The following ZNF433 variants were observed in gnomAD, a reference collection of about 807,000 sequenced individuals.
ZNF433 encodes zinc finger protein 433.
A neutral mutation model predicts 10.6 loss-of-function variants in ZNF433; 12 were observed. That is an observed-to-expected ratio of 1.13 (90% CI 0.72 to 1.83). ZNF433 has a LOEUF of 1.83. Among genes scored for constraint, ZNF433 ranks in the 40% most tolerant of loss-of-function variants. The pLI, the probability that ZNF433 is intolerant of heterozygous loss-of-function variation, is 0.00. For missense variants in ZNF433, 737 were observed against 798.0 expected, an observed-to-expected ratio of 0.92 and a Z score of 0.92; for synonymous variants, 272 against 271.3, an observed-to-expected ratio of 1.00 and a Z score of -0.02.
intron 3 of ZNF433, among the ~76,000 whole-genome samples, chr19:12,017,487 G>GCCA (rs1427628695): frequency 6.6e-6 from 1 of 152,184 alleles, no homozygotes; most frequent in Non-Finnish European, 1.5e-5. Flanking sequence ...ACAGGCGTGA[G>GCCA]CCACCACGCC....
chr19:12,035,431 C>T (rs1043639790), intron 1 of ZNF433, 106 bp downstream of exon 1: 1 of 1,490,588 alleles, frequency 6.7e-7, no homozygotes, highest in African/African-American at 1.4e-5. Flanking sequence ...AATCGGGTCC[C>T]AGACCCCGGA....
At chr19:12,027,422 G>T (rs746655478) in intron 1 of ZNF433, among the ~76,000 whole-genome samples, 8 of 152,224 alleles carry the variant, frequency 5.3e-5, no homozygotes, top group Non-Finnish European at 1.0e-4. Context: ...TGATGGCTAT[G>T]ATGCCCACAC....
chr19:12,017,308 T>C (rs2145410885), intron 3 of ZNF433, among the ~76,000 whole-genome samples: 1 of 152,174 alleles, frequency 6.6e-6, no homozygotes, highest in Non-Finnish European at 1.5e-5. Flanking sequence ...GTTCAAGCGA[T>C]TCTCCTGCCT....
chr19:12,028,974 C>T lies in ZNF433; in HGVS notation c.3+6563G>A, dbSNP rs564334641. On this transcript the variant is annotated intron_variant, in intron 1 of 3. Transcript: ENST00000550507. ...CAAAAGCAATTAATTTTCTTGAAGT[C>T]CCAAAAAGTCTCAGAAAGGATATAA... Among the ~76,000 whole-genome samples, 27 of 152,130 alleles carry T rather than the reference C, an allele frequency of 1.8e-4. No homozygotes were observed. The East Asian group carries it at 5.0e-3, about 28-fold the overall frequency.
At chr19:12,016,770 G>T in intron 3 of ZNF433, 104 bp from the exon 4 acceptor site, 10 of 1,399,108 alleles carry the variant, frequency 7.1e-6, no homozygotes, top group Non-Finnish European at 9.5e-6. Flanking sequence ...TTGAGATGGA[G>T]TCTCACTCTC....
At position 12,035,650 on chromosome 19, in the gene ZNF433, T is replaced by G; in HGVS notation, c.-111A>C. The G allele has an allele frequency of 7.0e-7, 1 of 1,435,628 alleles. No individual in the cohort carries two copies. The highest frequency in any genetic ancestry group is 1.3e-5 in the South Asian group (1 of 78,208). The allele number at this position is 1,435,628 out of a possible 1,614,324, so 88.9% of individuals were successfully genotyped here. On this transcript the variant is annotated 5_prime_UTR_variant, in exon 1 of 4. Coordinates refer to ENST00000550507, the MANE Select transcript of ZNF433 (RefSeq NM_001308348.2). ...GGAGGGGAAAGCCAGGCTCCCAACC[T>G]CAGCTCGCCGCCTGGAGCCGGGAAC...
chr19:12,020,642 C>A (rs547998467), intron 1 of ZNF433, among the ~76,000 whole-genome samples: 1 of 151,938 alleles, frequency 6.6e-6, no homozygotes, highest in Non-Finnish European at 1.5e-5. Context: ...GCTGGCTGAG[C>A]GCGGTGGCTC....
At chr19:12,020,022 A>C (rs1455288944) in intron 1 of ZNF433, among the ~76,000 whole-genome samples, 1 of 152,220 alleles carries the variant, frequency 6.6e-6, no homozygotes, top group Non-Finnish European at 1.5e-5. Context: ...CTGTAATCTT[A>C]GCACTTTGGG....
Position 12,015,547 on chromosome 19 carries a change from A to G in ZNF433, c.1311T>C (p.His437=). 1 of 1,613,740 alleles carries G rather than the reference A, an allele frequency of 6.2e-7. No homozygotes were observed. Among genetic ancestry groups the G allele is most frequent in the Non-Finnish European group, 8.5e-7 (1 of 1,179,964 alleles). Reference sequence around the variant, plus strand: ...GTTTCTCTCCCGTGTGAGTCCTACCATGTGTTTGAAGGAGTGAGGCAGATC... The same window carrying G: ...GTTTCTCTCCCGTGTGAGTCCTACCGTGTGTTTGAAGGAGTGAGGCAGATC... ...AFRSASLLQT[H]GRTHTGEKPY... Residue 437 remains histidine, a synonymous_variant, in exon 4 of 4, where the codon CAT becomes CAC. Coordinates refer to ENST00000550507, the MANE Select transcript of ZNF433 (RefSeq NM_001308348.2).
In ZNF433 at chr19:12,020,631, AG is replaced by A. The variant is rs1169751318; in HGVS notation, c.4-2340del. 5.9e-5 allele frequency among the ~76,000 whole-genome samples: 9 copies of A among 152,134 alleles called. No individual in the cohort carries two copies. In the East Asian group the frequency reaches 1.8e-3, roughly 30 times the overall value. On this transcript the variant is annotated intron_variant, in intron 1 of 3. Transcript: ENST00000550507. ...GGGATTTATTGTCATTCCTAAGAAG[AG>A]CTGGCTGAGCGCGGTGGCTCACGCC...
At chr19:12,026,907 G>A (rs1192806662) in intron 1 of ZNF433, 1 of 453,956 alleles carries the variant, frequency 2.2e-6, no homozygotes, top group Non-Finnish European at 4.4e-6. Flanking sequence ...CCTATTATCT[G>A]GAAACATGGT....
chr19:12,022,208 C>T (rs937552534), intron 1 of ZNF433: 4 of 352,062 alleles, frequency 1.1e-5, no homozygotes, highest in East Asian at 7.5e-5. Context: ...CAAACAATAG[C>T]GTAAGTGATC....
In ZNF433 at chr19:12,014,734, T is replaced by G; in HGVS notation, c.*111A>C. On this transcript the variant is annotated 3_prime_UTR_variant, in exon 4 of 4. Transcript: ENST00000550507. ...CTGCCATTACCACCAACTGGAAGTCTTTTTATTTATTTATTTAATTTTTAT... is the reference window on the plus strand; with the variant it reads ...CTGCCATTACCACCAACTGGAAGTCGTTTTATTTATTTATTTAATTTTTAT... 1 of 836,270 alleles carries G rather than the reference T, an allele frequency of 1.2e-6. No homozygotes were observed. Among genetic ancestry groups the G allele is most frequent in the Non-Finnish European group, 1.8e-6 (1 of 570,552 alleles). 51.8% of individuals were successfully genotyped at this position (836,270 alleles called of 1,614,324 possible).
intron 1 of ZNF433, chr19:12,023,442 A>G (rs762322269): frequency 1.3e-5 from 2 of 152,240 alleles, no homozygotes; most frequent in Non-Finnish European, 2.9e-5. Flanking sequence ...TGATTGTGCC[A>G]TATGTGGAAA....
chr19:12,034,748 C>T (rs1975196097), intron 1 of ZNF433: 1 of 451,660 alleles, frequency 2.2e-6, no homozygotes, highest in Non-Finnish European at 4.4e-6. Flanking sequence ...CCACCAACGG[C>T]CACCTTCAGA....
At position 12,016,319 on chromosome 19, in the gene ZNF433, G is replaced by GA; in HGVS notation, c.538dup (p.Ser180PhefsTer17). 1.2e-6 allele frequency: 2 copies of GA among 1,614,188 alleles called. No individual in the cohort carries two copies. Among genetic ancestry groups the GA allele is most frequent in the African/African-American group, 2.7e-5 (2 of 75,052 alleles). On this transcript the variant is annotated frameshift_variant, in exon 4 of 4. Coordinates refer to ENST00000550507, the MANE Select transcript of ZNF433 (RefSeq NM_001308348.2). LOFTEE classifies it low-confidence loss of function (END_TRUNC). ...CATTATCCTGTGTCTTTGAAGGTTTGAATGGGAAATAAATGTTTTTCCGCA... is the reference window on the plus strand; with the variant it reads ...CATTATCCTGTGTCTTTGAAGGTTTGAAATGGGAAATAAATGTTTTTCCGCA...
intron 1 of ZNF433, chr19:12,034,681 CT>C (rs1215192114): frequency 2.5e-6 from 1 of 392,530 alleles, no homozygotes; most frequent in Non-Finnish European, 5.1e-6. Flanking sequence ...ACCAGACCCT[CT>C]TCACTTAAGC....
Position 12,017,867 on chromosome 19 carries a change from G to C in ZNF433, c.191+9C>G, listed in dbSNP as rs755719165. On this transcript the variant is annotated intron_variant, in intron 3 of 3. Coordinates refer to ENST00000550507, the MANE Select transcript of ZNF433 (RefSeq NM_001308348.2). ...AGACACACGTCTTTGTCATGTGAGT[G>C]CAAGTTACCTTAGGTTTCTCCTTAG... 1 of 1,554,516 alleles carries C rather than the reference G, an allele frequency of 6.4e-7. No homozygotes were observed. The highest frequency in any genetic ancestry group is 8.7e-7 in the Non-Finnish European group (1 of 1,149,170).
At chr19:12,026,524 A>T in intron 1 of ZNF433, 1 of 356,050 alleles carries the variant, frequency 2.8e-6, no homozygotes. Context: ...CTTATTGGGC[A>T]TATTTATCAA....
Sources: gnomAD v4.1 joint callset for allele counts (sites outside exome capture counted in the v4.1 genomes callset) on GRCh38, gnomAD v4.1.1 for gene constraint, MANE v1.5 for transcripts, NCBI Gene and HGNC (gene_info 2026-07-23, HGNC 2026-07-21) for gene names.